RASSF5: variants seen among roughly 807,000 people sequenced by gnomAD.
The protein encoded by RASSF5 is Ras association domain family member 5.
Under a neutral mutation model 40.5 loss-of-function variants are expected in RASSF5, and 25 were observed. The observed-to-expected ratio is 0.62, with a 90% CI of 0.45 to 0.86. The LOEUF (loss-of-function observed/expected upper bound fraction) is 0.86, where lower values mean the gene tolerates loss of function less well. RASSF5 is among the 40% of genes least tolerant of loss of function. RASSF5 has a pLI of 0.00. For missense variants in RASSF5, 521 were observed against 572.8 expected, an observed-to-expected ratio of 0.91 and a Z score of 0.92; for synonymous variants, 246 against 252.4, an observed-to-expected ratio of 0.97 and a Z score of 0.24.
chr1:206,536,185 A>G (rs1553398660), intron 1 of RASSF5, among the ~76,000 whole-genome samples: 1 of 152,172 alleles, frequency 6.6e-6, no homozygotes, highest in African/African-American at 2.4e-5. Context: ...GAGGTCTCCC[A>G]CGGAGGACCA....
intron 1 of RASSF5, among the ~76,000 whole-genome samples, chr1:206,522,960 C>T (rs1553396343): frequency 6.6e-6 from 1 of 152,064 alleles, no homozygotes; most frequent in Non-Finnish European, 1.5e-5. Context: ...TAATTTTAGA[C>T]AACAGTGGGC....
chr1:206,587,813 C>CTAAG lies in RASSF5; in HGVS notation c.*838_*841dup, dbSNP rs1483095087. 1.3e-5 allele frequency: 2 copies of CTAAG among 152,452 alleles called. No homozygotes were observed. Among genetic ancestry groups the CTAAG allele is most frequent in the African/African-American group, 4.8e-5 (2 of 41,454 alleles). 9.4% of individuals were successfully genotyped at this position (152,452 alleles called of 1,614,324 possible). A position where few individuals can be genotyped will look rare whatever the true frequency, so the allele number is the denominator to read the frequency against. Reference sequence around the variant, plus strand: ...CATTGACCATTTAAAAAGTCTCCTGCTAAGTATGGAAATCAGACAGTAAGA... The same window carrying CTAAG: ...CATTGACCATTTAAAAAGTCTCCTGCTAAGTAAGTATGGAAATCAGACAGTAAGA... On this transcript the variant is annotated 3_prime_UTR_variant, in exon 6 of 6. Transcript: ENST00000579436.
rs2102266616 is a variant in RASSF5, at chr1:206,588,266, A to G, written c.*1288A>G. The stretch of plus-strand genomic sequence containing the variant: ...GAGAGCCCGCGTTCAGTATGGGTTG[A>G]GGGTCACAGACCTCCCTCCCATCTG... On this transcript the variant is annotated 3_prime_UTR_variant, in exon 6 of 6. Transcript: ENST00000579436. The G allele has an allele frequency of 6.5e-6, 1 of 152,848 alleles. No homozygotes were observed. The highest frequency in any genetic ancestry group is 2.1e-4 in the South Asian group (1 of 4,832). The allele number at this position is 152,848 out of a possible 1,614,324, so 9.5% of individuals were successfully genotyped here.
intron 2 of RASSF5, among the ~76,000 whole-genome samples, chr1:206,561,838 G>GTGT (rs1668155766): frequency 8.9e-6 from 1 of 112,824 alleles, no homozygotes; most frequent in Non-Finnish European, 2.0e-5. Context: ...GCTAAGTTTT[G>GTGT]TGTTTTTTTT....
At chr1:206,527,949 T>C (rs891792326) in intron 1 of RASSF5, among the ~76,000 whole-genome samples, 4 of 152,236 alleles carry the variant, frequency 2.6e-5, no homozygotes, top group Non-Finnish European at 4.4e-5. Flanking sequence ...AAAGGTCATT[T>C]ATCTCTTCAA....
chr1:206,537,314 C>T (rs1667442274), intron 1 of RASSF5, among the ~76,000 whole-genome samples: 1 of 152,200 alleles, frequency 6.6e-6, no homozygotes, highest in African/African-American at 2.4e-5. Flanking sequence ...CGCTGAATCC[C>T]CGGATCTGGG....
chr1:206,528,989 G>A (rs1553397591), intron 1 of RASSF5: 6 of 689,336 alleles, frequency 8.7e-6, no homozygotes, highest in African/African-American at 3.6e-5. Flanking sequence ...AGGAAGTGGT[G>A]AATCCCCTGT....
At chr1:206,550,430 G>A (rs1667806813) in intron 2 of RASSF5, among the ~76,000 whole-genome samples, 1 of 152,170 alleles carries the variant, frequency 6.6e-6, no homozygotes, top group African/African-American at 2.4e-5. Flanking sequence ...ATAATGCACT[G>A]GGCCTTGCAC....
intron 1 of RASSF5, among the ~76,000 whole-genome samples, chr1:206,527,933 G>T (rs184002823): frequency 1.1e-4 from 16 of 152,216 alleles, no homozygotes; most frequent in African/African-American, 3.9e-4. Flanking sequence ...CAGCTACAAG[G>T]CTGCCAAAGG....
intron 2 of RASSF5, among the ~76,000 whole-genome samples, chr1:206,546,106 T>A (rs1572328200): frequency 1.6e-5 from 1 of 64,178 alleles, no homozygotes; most frequent in African/African-American, 6.2e-5. Flanking sequence ...TTTTTTTTTT[T>A]TTTTTTTTTT....
chr1:206,507,756 A>T lies in RASSF5; in HGVS notation c.154A>T (p.Thr52Ser). ...SRLCVPAPLS[T>S]APGAREGRSA... ...CCTCTGTGTCCCGGCGCCCCTCTCC[A>T]CTGCGCCCGGGGCGCGCGAGGGGCG... Residue 52 changes from threonine to serine, a missense_variant, in exon 1 of 6, where the codon ACT (threonine) becomes TCT (serine). Transcript: ENST00000579436. The T allele has an allele frequency of 7.0e-7, 1 of 1,430,928 alleles. No homozygotes were observed. Among genetic ancestry groups the T allele is most frequent in the East Asian group, 3.1e-5 (1 of 32,530 alleles). 88.6% of individuals were successfully genotyped at this position (1,430,928 alleles called of 1,614,324 possible).
At position 206,584,516 on chromosome 1, in the gene RASSF5, A is replaced by G; in HGVS notation, c.820A>G (p.Thr274Ala). The G allele has an allele frequency of 1.2e-6, 2 of 1,614,108 alleles. No homozygotes were observed. The highest frequency in any genetic ancestry group is 4.5e-5 in the East Asian group (2 of 44,884). The change falls in exon 4 of 6, where the codon ACG (threonine) becomes GCG (alanine). Residue 274 changes from threonine (T) to alanine (A), a missense_variant. Physicochemically the swap from Thr to Ala is moderately conservative, Grantham distance 58. Coordinates refer to ENST00000579436, the MANE Select transcript of RASSF5 (RefSeq NM_182663.4). This position sits in a 1 kb window ranked among gnomAD's most constrained non-coding sequence, Gnocchi z 4.9. ...AIKEVNLAAT[T>A]DKRTSFYLPL... ...CAAGGAGGTGAACCTGGCGGCTACC[A>G]CGGACAAGCGGACATCCTTCTACCT...
chr1:206,516,430 A>T (rs1243241968), intron 1 of RASSF5, among the ~76,000 whole-genome samples: 13 of 151,796 alleles, frequency 8.6e-5, no homozygotes, highest in African/African-American at 3.1e-4. Flanking sequence ...CAAACGGTGC[A>T]TTCGGAAGGG....
In RASSF5 at chr1:206,552,090, C is replaced by G. The variant is rs1156400782; in HGVS notation, c.579+13797C>G. On this transcript the variant is annotated intron_variant, in intron 2 of 5. Coordinates refer to ENST00000579436, the MANE Select transcript of RASSF5 (RefSeq NM_182663.4). The surrounding 1 kb of genome is among the most constrained non-coding windows in gnomAD (Gnocchi z 4.1). Reference sequence around the variant, plus strand: ...CAGTAGGTTCAGTGTCAAGGCCTATCGAAGCTGTTAGCCTGGCAGCCAATC... The same window carrying G: ...CAGTAGGTTCAGTGTCAAGGCCTATGGAAGCTGTTAGCCTGGCAGCCAATC... Among the ~76,000 whole-genome samples the G allele has an allele frequency of 6.6e-6, 1 of 152,206 alleles. No individual in the cohort carries two copies. Among genetic ancestry groups the G allele is most frequent in the Non-Finnish European group, 1.5e-5 (1 of 68,038 alleles).
intron 1 of RASSF5, among the ~76,000 whole-genome samples, chr1:206,536,460 C>G (rs1171041423): frequency 2.0e-5 from 3 of 151,948 alleles, no homozygotes. Flanking sequence ...TCAGGGTGCT[C>G]CCCTATGGAC....
At chr1:206,538,697 C>T (rs1182693600) in intron 2 of RASSF5, among the ~76,000 whole-genome samples, 6 of 152,226 alleles carry the variant, frequency 3.9e-5, no homozygotes, top group Non-Finnish European at 8.8e-5. Context: ...TTCAGAGAGG[C>T]TGGGCAAATG....
At chr1:206,545,977 G>C (rs1266304861) in intron 2 of RASSF5, among the ~76,000 whole-genome samples, 1 of 139,266 alleles carries the variant, frequency 7.2e-6, no homozygotes, top group African/African-American at 2.7e-5. Flanking sequence ...TTTTGAGACA[G>C]TCTTGCTCTG....
Position 206,584,782 on chromosome 1 carries a change from C to A in RASSF5, c.988+98C>A, listed in dbSNP as rs951128621. ...GCCGGCCTTGGGTGGGAGCTGTGGG[C>A]TTCTCCTGAGCACCAGGGGTCCAGC... On this transcript the variant is annotated intron_variant, in intron 4 of 5. Coordinates refer to ENST00000579436, the MANE Select transcript of RASSF5 (RefSeq NM_182663.4). The surrounding 1 kb of genome is among the most constrained non-coding windows in gnomAD (Gnocchi z 4.9). 3.0e-6 allele frequency: 4 copies of A among 1,334,996 alleles called. No homozygotes were observed. Among genetic ancestry groups the A allele is most frequent in the Non-Finnish European group, 4.2e-6 (4 of 959,520 alleles). The allele number at this position is 1,334,996 out of a possible 1,614,324, so 82.7% of individuals were successfully genotyped here. A position where few individuals can be genotyped will look rare whatever the true frequency, so the allele number is the denominator to read the frequency against.
At chr1:206,583,567 G>A in intron 3 of RASSF5, 188 bp downstream of exon 3, 1 of 577,762 alleles carries the variant, frequency 1.7e-6, no homozygotes, top group Non-Finnish European at 3.1e-6. Context: ...TGTGCTTTAG[G>A]GAAATAGATC....
Sources: allele counts gnomAD v4.1 joint callset (sites outside exome capture counted in the v4.1 genomes callset), GRCh38; gene constraint gnomAD v4.1.1; non-coding constraint Gnocchi (gnomAD v3.1); transcripts MANE v1.5; gene names NCBI Gene and HGNC (gene_info 2026-07-23, HGNC 2026-07-21).